The following DIS3 variants were observed in gnomAD, a reference collection of about 807,000 sequenced individuals.
DIS3 encodes the protein exosome complex exonuclease RRP44.
In DIS3, 103 loss-of-function variants were observed where a neutral mutation model predicts 113.0. That is an observed-to-expected ratio of 0.91 (90% CI 0.78 to 1.07). The LOEUF (loss-of-function observed/expected upper bound fraction) is 1.07, where lower values mean the gene tolerates loss of function less well. DIS3 is among the 50% of genes least tolerant of loss of function. DIS3 has a pLI of 0.00. For synonymous variants in DIS3, 402 were observed against 394.3 expected (o/e 1.02, Z -0.23); for missense variants, 1,121 against 1,167.1 (o/e 0.96, Z 0.58).
chr13:72,761,662 A>G lies in DIS3; in HGVS notation c.2495T>C (p.Val832Ala), dbSNP rs1361110506. The change falls in exon 18 of 21, where the codon GTG (valine) becomes GCG (alanine). Residue 832 changes from valine to alanine, a missense_variant. Val to Ala is a moderately conservative substitution (Grantham distance 64, BLOSUM62 0). Coordinates refer to ENST00000377767, the MANE Select transcript of DIS3 (RefSeq NM_014953.5). ...GGCAAATACCTGGGTATGAAAAGCC[A>G]CTGATGCACGTTGGGCATATTGAGC... ...KMAQYAQRAS[V>A]AFHTQLFFKS... 6.3e-7 allele frequency: 1 copy of G among 1,599,714 alleles called. No individual in the cohort carries two copies. Among genetic ancestry groups the G allele is most frequent in the South Asian group, 1.2e-5 (1 of 86,558 alleles).
intron 16 of DIS3, among the ~76,000 whole-genome samples, 184 bp from the exon 17 acceptor site, chr13:72,762,321 G>A (rs963106182): frequency 3.9e-5 from 6 of 152,176 alleles, no homozygotes; most frequent in African/African-American, 1.2e-4. Context: ...TCAGAACAAT[G>A]TTCGGATTCA....
Position 72,754,876 on chromosome 13 carries a change from C to G in DIS3, c.*4919G>C, listed in dbSNP as rs956609564. The G allele has an allele frequency of 3.1e-6, 1 of 321,608 alleles. No individual in the cohort carries two copies. The highest frequency in any genetic ancestry group is 5.8e-6 in the Non-Finnish European group (1 of 171,760). 19.9% of individuals were successfully genotyped at this position (321,608 alleles called of 1,614,324 possible). On this transcript the variant is annotated 3_prime_UTR_variant, in exon 21 of 21. Transcript: ENST00000377767. The stretch of plus-strand genomic sequence containing the variant: ...GGCTACAGGCATGTGCCACCACACC[C>G]AGCTTTTTAAAATTTTTGGTAGAGA...
rs1325002103 is a variant in DIS3 at position 72,756,622 on chromosome 13, G to C, written c.*3173C>G. ...TAGCAATCCCCACGTGTCAAGGGTG[G>C]GACCAGGTGGAGGTAACTGGATCAT... On this transcript the variant is annotated 3_prime_UTR_variant, in exon 21 of 21. Coordinates refer to ENST00000377767, the MANE Select transcript of DIS3 (RefSeq NM_014953.5). The C allele has an allele frequency of 6.6e-6, 1 of 152,156 alleles. No individual in the cohort carries two copies. Among genetic ancestry groups the C allele is most frequent in the African/African-American group, 2.4e-5 (1 of 41,416 alleles). 9.4% of individuals were successfully genotyped at this position (152,156 alleles called of 1,614,324 possible). A position where few individuals can be genotyped will look rare whatever the true frequency, so the allele number is the denominator to read the frequency against.
intron 14 of DIS3, among the ~76,000 whole-genome samples, chr13:72,768,240 G>C (rs1438432418): frequency 6.6e-6 from 1 of 152,120 alleles, no homozygotes; most frequent in Admixed American, 6.6e-5. Context: ...GGGTGTTCTT[G>C]CCTTCCTGGA....
In DIS3 at chr13:72,756,488, A is replaced by T. The variant is rs1354987441; in HGVS notation, c.*3307T>A. The T allele has an allele frequency of 6.6e-6, 1 of 152,218 alleles. No individual in the cohort carries two copies. Among genetic ancestry groups the T allele is most frequent in the African/African-American group, 2.4e-5 (1 of 41,466 alleles). 9.4% of individuals were successfully genotyped at this position (152,218 alleles called of 1,614,324 possible). ...TTTTTAATAGTACAAAAGTCAAGAA[A>T]TAACACAATAGTGACTATAACCTGT... On this transcript the variant is annotated 3_prime_UTR_variant, in exon 21 of 21. Transcript: ENST00000377767.
In DIS3 at chr13:72,761,954, T is replaced by C; in HGVS notation, c.2311A>G (p.Ile771Val). ...DFHHYGLASP[I>V]YTHFTSPIRR... ...ATGGGTGAAGTAAAATGTGTGTATA[T>C]TGGAGACGCTAAGCCATAGTGATGA... The change falls in exon 17 of 21, where the codon ATA (isoleucine) becomes GTA (valine). Residue 771 changes from isoleucine to valine, a missense_variant. Physicochemically the swap from Ile to Val is conservative, Grantham distance 29. Transcript: ENST00000377767. 1 of 1,614,162 alleles carries C rather than the reference T, an allele frequency of 6.2e-7. No homozygotes were observed. The highest frequency in any genetic ancestry group is 8.5e-7 in the Non-Finnish European group (1 of 1,180,032).
intron 16 of DIS3, 78 bp from the exon 17 acceptor site, chr13:72,762,215 A>C: frequency 8.2e-7 from 1 of 1,224,706 alleles, no homozygotes; most frequent in Non-Finnish European, 1.1e-6. Context: ...AATATAACTG[A>C]TCTGACTGAA....
rs1305357858 is a variant in DIS3 at position 72,760,527 on chromosome 13, A to G, written c.2793+2T>C. The G allele has an allele frequency of 1.9e-6, 3 of 1,613,344 alleles. No homozygotes were observed. The highest frequency in any genetic ancestry group is 2.5e-6 in the Non-Finnish European group (3 of 1,179,610). ...ACAAGGAAATTTTAAGTTTGGCCTTACCTGTGGTTCTACCAGGGACATTCG... is the reference window on the plus strand; with the variant it reads ...ACAAGGAAATTTTAAGTTTGGCCTTGCCTGTGGTTCTACCAGGGACATTCG... On this transcript the variant is annotated splice_donor_variant, in intron 20 of 20. Coordinates refer to ENST00000377767, the MANE Select transcript of DIS3 (RefSeq NM_014953.5). LOFTEE classifies it high-confidence loss of function.
rs747726226 is a variant in DIS3 at position 72,780,904 on chromosome 13, G to C, written c.328C>G (p.Arg110Gly). The C allele has an allele frequency of 1.2e-6, 2 of 1,612,780 alleles. No individual in the cohort carries two copies. Among genetic ancestry groups the C allele is most frequent in the South Asian group, 1.1e-5 (1 of 90,912 alleles). ...NRSAPVYKRI[R>G]DVTNNQEKHF... ...TTCTCTTGGTTATTAGTCACATCTC[G>C]GATGCGTTTATATACGGGGGCACTG... Residue 110 changes from arginine (R) to glycine (G), a missense_variant, in exon 2 of 21, where the codon CGA (arginine) becomes GGA (glycine). Coordinates refer to ENST00000377767, the MANE Select transcript of DIS3 (RefSeq NM_014953.5).
chr13:72,756,853 C>T lies in DIS3; in HGVS notation c.*2942G>A, dbSNP rs2033488802. The T allele has an allele frequency of 6.6e-6, 1 of 151,946 alleles. No individual in the cohort carries two copies. Among genetic ancestry groups the T allele is most frequent in the South Asian group, 2.1e-4 (1 of 4,834 alleles). The allele number at this position is 151,946 out of a possible 1,614,324, so 9.4% of individuals were successfully genotyped here. A position where few individuals can be genotyped will look rare whatever the true frequency, so the allele number is the denominator to read the frequency against. On this transcript the variant is annotated 3_prime_UTR_variant, in exon 21 of 21. Transcript: ENST00000377767. ...CAATGCGGAACTGAGTCCATTAAACCTCTTTCCTTTATAATAATTACCCAG... is the reference window on the plus strand; with the variant it reads ...CAATGCGGAACTGAGTCCATTAAACTTCTTTCCTTTATAATAATTACCCAG...
chr13:72,763,642 G>A (rs959275472), intron 15 of DIS3, 35 bp from the exon 16 acceptor site: 4 of 1,578,862 alleles, frequency 2.5e-6, no homozygotes, highest in Non-Finnish European at 3.4e-6. Context: ...AAACAAAAAA[G>A]AGAATCTGAG....
chr13:72,766,801 T>C (rs1180350444), intron 14 of DIS3, among the ~76,000 whole-genome samples: 1 of 152,128 alleles, frequency 6.6e-6, no homozygotes, highest in Admixed American at 6.5e-5. Flanking sequence ...TTAATGAGAC[T>C]GGGCAACCTT....
intron 4 of DIS3, among the ~76,000 whole-genome samples, chr13:72,776,356 C>T (rs1455919121): frequency 6.6e-6 from 1 of 151,950 alleles, no homozygotes. Context: ...GATAGTACCA[C>T]CAAGAAACTG....
At chr13:72,761,835 G>A (rs1370809700) in intron 17 of DIS3, 21 bp from the exon 18 acceptor site, 1 of 1,609,428 alleles carries the variant, frequency 6.2e-7, no homozygotes. Context: ...GGAAAAATAA[G>A]AACCATGGTA....
intron 3 of DIS3, 67 bp from the exon 4 acceptor site, chr13:72,777,560 T>C (rs2034046914): frequency 4.4e-6 from 6 of 1,356,218 alleles, no homozygotes; most frequent in African/African-American, 2.9e-5. Flanking sequence ...AAATGGATAG[T>C]CTTGTTTGCG....
rs528429812 is a variant in DIS3, at chr13:72,771,680, T to C, written c.1605+115A>G. The C allele has an allele frequency of 9.6e-5, 92 of 961,184 alleles. No homozygotes were observed. In the Admixed American group the frequency reaches 2.3e-3, roughly 24 times the overall value. The allele number at this position is 961,184 out of a possible 1,614,324, so 59.5% of individuals were successfully genotyped here. ...ACCACTCGATAACAAAAATTTGCAA[T>C]ATATTTAGTGATTTAAAGCCACATT... On this transcript the variant is annotated intron_variant, in intron 11 of 20. Transcript: ENST00000377767.
At chr13:72,766,241 T>C (rs1247231236) in intron 14 of DIS3, among the ~76,000 whole-genome samples, 183 bp from the exon 15 acceptor site, 9 of 152,202 alleles carry the variant, frequency 5.9e-5, no homozygotes, top group Admixed American at 5.9e-4. Flanking sequence ...AGAGCTTTCA[T>C]GAACAGCTCA....
rs1423394641 is a variant in DIS3 at position 72,775,193 on chromosome 13, T to C, written c.987+18A>G. 3 of 1,583,678 alleles carry C rather than the reference T, an allele frequency of 1.9e-6. No individual in the cohort carries two copies. The highest frequency in any genetic ancestry group is 2.7e-5 in the African/African-American group (2 of 73,322). ...ACAAAGCTACACAGACAAAAAAAAA[T>C]CCTGCTTAGATTCATACCATTCGTT... On this transcript the variant is annotated intron_variant, in intron 6 of 20. Transcript: ENST00000377767.
At position 72,759,817 on chromosome 13, in the gene DIS3, T is replaced by G. The variant is rs1371184216; in HGVS notation, c.2855A>C (p.Lys952Thr). The change falls in exon 21 of 21, where the codon AAG becomes ACG. Residue 952 changes from lysine (K) to threonine (T), a missense_variant. By Grantham distance (78) the Lys-to-Thr change is moderately conservative. This residue lies in a region of DIS3 where 861 missense variants were observed against 915.5 expected (regional missense o/e 0.94). Coordinates refer to ENST00000377767, the MANE Select transcript of DIS3 (RefSeq NM_014953.5). ...TAGCTATTTTCCAAGCTTCATCTTC[T>G]TTTTCTTTGGTCCATTAAGGTCCAT... is the stretch of plus-strand genomic sequence containing the variant. ...SNMDLNGPKK[K>T]KMKLGK 6.2e-7 allele frequency: 1 copy of G among 1,612,704 alleles called. No homozygotes were observed. The highest frequency in any genetic ancestry group is 8.5e-7 in the Non-Finnish European group (1 of 1,179,362).
Sources: allele counts gnomAD v4.1 joint callset (sites outside exome capture counted in the v4.1 genomes callset), GRCh38; gene constraint gnomAD v4.1.1; regional missense constraint gnomAD v4.1.1; transcripts MANE v1.5; gene names NCBI Gene and HGNC (gene_info 2026-07-23, HGNC 2026-07-21).